HIVEP1: variants seen among roughly 807,000 people sequenced by gnomAD.
HIVEP1 encodes zinc finger protein 40.
In HIVEP1, 36 loss-of-function variants were observed where a neutral mutation model predicts 180.0. The ratio of observed to expected loss-of-function variants is 0.20; its 90% CI spans 0.15 to 0.26. The LOEUF (loss-of-function observed/expected upper bound fraction) is 0.26. Among genes scored for constraint, HIVEP1 ranks in the 10% least tolerant of loss-of-function variants. HIVEP1 has a pLI of 1.00. For synonymous variants in HIVEP1, 1,239 were observed against 1,239.0 expected (o/e 1.00, Z 0.00); for missense variants, 3,143 against 3,268.7 (o/e 0.96, Z 0.94).
At chr6:12,077,778 T>G (rs930749706) in intron 2 of HIVEP1, among the ~76,000 whole-genome samples, 4 of 152,220 alleles carry the variant, frequency 2.6e-5, no homozygotes, top group Non-Finnish European at 4.4e-5. Context: ...CTTTCTCATC[T>G]TCTGTGCCTC....
chr6:12,178,463 A>G, the HIVEP1 span, among the ~76,000 whole-genome samples: 1 of 152,234 alleles, frequency 6.6e-6, no homozygotes. Flanking sequence ...TGCAATTCAT[A>G]TTAGAAAAAA....
the HIVEP1 span, among the ~76,000 whole-genome samples, chr6:12,203,528 A>G: frequency 6.6e-6 from 1 of 152,190 alleles, no homozygotes; most frequent in Non-Finnish European, 1.5e-5. Flanking sequence ...TCCATGTGAT[A>G]GTTTATTATT....
At chr6:12,018,414 A>G (rs1421147319) in intron 2 of HIVEP1, among the ~76,000 whole-genome samples, 2 of 152,230 alleles carry the variant, frequency 1.3e-5, no homozygotes, top group Non-Finnish European at 2.9e-5. Context: ...AGAGCGAGTG[A>G]GGGCTGACAG....
chr6:12,066,866 CTGTG>C (rs10650946), intron 2 of HIVEP1, among the ~76,000 whole-genome samples: 1 of 148,616 alleles, frequency 6.7e-6, no homozygotes, highest in Admixed American at 6.7e-5. Context: ...AACAAAGACA[CTGTG>C]TGTGTGTGTG....
the HIVEP1 span, among the ~76,000 whole-genome samples, chr6:12,173,987 T>C: frequency 3.3e-5 from 5 of 152,214 alleles, no homozygotes; most frequent in African/African-American, 1.2e-4. Flanking sequence ...GATTCAGCAG[T>C]AGTGCCCTTT....
chr6:12,028,187 G>C (rs1211617701), intron 2 of HIVEP1, among the ~76,000 whole-genome samples: 1 of 152,184 alleles, frequency 6.6e-6, no homozygotes, highest in Non-Finnish European at 1.5e-5. Context: ...AGCCCATAGT[G>C]GTCATGAAGT....
chr6:12,076,751 A>G (rs13201819), intron 2 of HIVEP1, among the ~76,000 whole-genome samples: 23,478 of 152,216 alleles, frequency 0.15, 2,399 homozygotes, highest in Non-Finnish European at 0.23. Flanking sequence ...AGTTTCCAAC[A>G]CATGCATTTT....
chr6:12,029,057 C>A (rs1302543953), intron 2 of HIVEP1, among the ~76,000 whole-genome samples: 1 of 152,130 alleles, frequency 6.6e-6, no homozygotes, highest in African/African-American at 2.4e-5. Flanking sequence ...ACATAATATT[C>A]TCTTATATAA....
At chr6:12,136,795 G>C (rs1213381738) in intron 7 of HIVEP1, among the ~76,000 whole-genome samples, 1 of 152,044 alleles carries the variant, frequency 6.6e-6, no homozygotes, top group Non-Finnish European at 1.5e-5. Context: ...TTTTGAGGAA[G>C]AATAAACCTG....
At chr6:12,027,349 G>A (rs1034544554) in intron 2 of HIVEP1, among the ~76,000 whole-genome samples, 4 of 152,188 alleles carry the variant, frequency 2.6e-5, no homozygotes, top group Non-Finnish European at 4.4e-5. Flanking sequence ...CATTTGGTTG[G>A]GAAGAAGTCC....
In HIVEP1 at chr6:12,018,402, C is replaced by T. The variant is rs117469963; in HGVS notation, c.40+2734C>T. Among the ~76,000 whole-genome samples, 231 of 152,312 alleles carry T rather than the reference C, an allele frequency of 1.5e-3. 2 individuals are homozygous for T. The East Asian group carries it at 0.022, about 15-fold the overall frequency. On this transcript the variant is annotated intron_variant, in intron 2 of 8. Coordinates refer to ENST00000379388, the MANE Select transcript of HIVEP1 (RefSeq NM_002114.4). ...GTGGGCACCAAGGCGGAGGAGGCGCCGAGAGCGAGTGAGGGCTGACAGCAC... is the reference window on the plus strand; with the variant it reads ...GTGGGCACCAAGGCGGAGGAGGCGCTGAGAGCGAGTGAGGGCTGACAGCAC...
chr6:12,118,817 A>T (rs1247594472), intron 3 of HIVEP1, among the ~76,000 whole-genome samples: 1 of 152,246 alleles, frequency 6.6e-6, no homozygotes, highest in African/African-American at 2.4e-5. Flanking sequence ...GCAATACTTC[A>T]TGGCTGTCCT....
At chr6:12,059,496 T>C (rs1413166028) in intron 2 of HIVEP1, among the ~76,000 whole-genome samples, 2 of 152,216 alleles carry the variant, frequency 1.3e-5, no homozygotes, top group African/African-American at 4.8e-5. Flanking sequence ...ACTCTAACCC[T>C]AAACCTCAAG....
chr6:12,117,191 G>A (rs1775270164), intron 3 of HIVEP1, among the ~76,000 whole-genome samples: 1 of 152,166 alleles, frequency 6.6e-6, no homozygotes, highest in Non-Finnish European at 1.5e-5. Flanking sequence ...TTTCTGAGGT[G>A]TAAACCAAAT....
At chr6:12,192,249 ATGTG>A in the HIVEP1 span, among the ~76,000 whole-genome samples, 7 of 151,522 alleles carry the variant, frequency 4.6e-5, no homozygotes, top group African/African-American at 1.2e-4. Flanking sequence ...TTTCATAGAA[ATGTG>A]TGTGTGTGTG....
chr6:12,089,634 G>C (rs1773332504), intron 3 of HIVEP1, among the ~76,000 whole-genome samples: 1 of 151,486 alleles, frequency 6.6e-6, no homozygotes, highest in Admixed American at 6.6e-5. Context: ...AAAAACCTAA[G>C]GCAACTAAAA....
At position 12,121,163 on chromosome 6, in the gene HIVEP1, C is replaced by T. The variant is rs371106253; in HGVS notation, c.1368C>T (p.His456=). 26 of 1,614,086 alleles carry T rather than the reference C, an allele frequency of 1.6e-5. No individual in the cohort carries two copies. The highest frequency in any genetic ancestry group is 3.3e-5 in the South Asian group (3 of 91,068). Reference sequence around the variant, plus strand: ...ATCTGTATAAGCACAAGAAATCCCACGCACATACTATCAAACTGGGTCTTG... The same window carrying T: ...ATCTGTATAAGCACAAGAAATCCCATGCACATACTATCAAACTGGGTCTTG... ...KSNLYKHKKS[H]AHTIKLGLVL... Residue 456 remains histidine (H), a synonymous_variant, in exon 4 of 9, where the codon CAC becomes CAT. Transcript: ENST00000379388. This position sits in a 1 kb window ranked among gnomAD's most constrained non-coding sequence, Gnocchi z 5.3.
intron 3 of HIVEP1, among the ~76,000 whole-genome samples, chr6:12,098,791 C>G (rs1310141561): frequency 1.3e-5 from 2 of 152,038 alleles, no homozygotes; most frequent in Non-Finnish European, 2.9e-5. Flanking sequence ...AATTAAAAAG[C>G]AAAGCATGGA....
At position 12,015,489 on chromosome 6, in the gene HIVEP1, G is replaced by A. The variant is rs1428022430; in HGVS notation, c.-103-37G>A. ...TTTAAAGTATCTTTCTCCTCTGAAGGTAGTAAAATGTGCTTCTCCGTTTTT... is the reference window on the plus strand; with the variant it reads ...TTTAAAGTATCTTTCTCCTCTGAAGATAGTAAAATGTGCTTCTCCGTTTTT... On this transcript the variant is annotated intron_variant, in intron 1 of 8. Transcript: ENST00000379388. The A allele has an allele frequency of 4.8e-5, 33 of 690,264 alleles. 3 individuals carry two copies. In the South Asian group the frequency reaches 5.7e-4, roughly 12 times the overall value. The allele number at this position is 690,264 out of a possible 1,614,324, so 42.8% of individuals were successfully genotyped here.
Sources: gnomAD v4.1 joint callset for allele counts (sites outside exome capture counted in the v4.1 genomes callset) on GRCh38, gnomAD v4.1.1 for gene constraint, Gnocchi (gnomAD v3.1) non-coding constraint, MANE v1.5 for transcripts, NCBI Gene and HGNC (gene_info 2026-07-23, HGNC 2026-07-21) for gene names.